Variants in SIL1 observed in about 807,000 individuals in gnomAD.
The protein encoded by SIL1 is SIL1 nucleotide exchange factor.
SIL1 carries 40 observed loss-of-function variants against 49.1 expected under a neutral mutation model. That is an observed-to-expected ratio of 0.81 (90% confidence interval 0.63 to 1.06). The LOEUF is 1.06. Among genes scored for constraint, SIL1 ranks in the 50% least tolerant of loss-of-function variants. The pLI, the probability that SIL1 is intolerant of heterozygous loss-of-function variation, is 0.00. For synonymous variants in SIL1, 253 were observed against 250.8 expected (o/e 1.01, Z -0.08); for missense variants, 500 against 572.6 (o/e 0.87, Z 1.29).
chr5:139,024,896 T>C (rs190698389), intron 6 of SIL1, among the ~76,000 whole-genome samples: 1 of 152,346 alleles, frequency 6.6e-6, no homozygotes, highest in East Asian at 1.9e-4. Flanking sequence ...CTCTGCCTGC[T>C]CTCAGCTCCA....
At chr5:138,959,516 C>T (rs568462676) in intron 7 of SIL1, among the ~76,000 whole-genome samples, 1 of 152,366 alleles carries the variant, frequency 6.6e-6, no homozygotes, top group East Asian at 1.9e-4. Flanking sequence ...GGTCCTAAGT[C>T]TACCCTTGAA....
chr5:139,078,081 A>G (rs986557859), intron 3 of SIL1, among the ~76,000 whole-genome samples: 3 of 152,188 alleles, frequency 2.0e-5, no homozygotes, highest in African/African-American at 7.2e-5. Flanking sequence ...TCACATTCAC[A>G]TCTCTGGGTA....
intron 7 of SIL1, among the ~76,000 whole-genome samples, chr5:139,006,958 C>A (rs1274780944): frequency 6.8e-6 from 1 of 146,394 alleles, no homozygotes; most frequent in Non-Finnish European, 1.5e-5. Flanking sequence ...TTTTTGGTTC[C>A]ATATGAACTT....
intron 1 of SIL1, among the ~76,000 whole-genome samples, chr5:139,152,475 G>A (rs764737794): frequency 1.5e-4 from 23 of 151,914 alleles, no homozygotes; most frequent in Admixed American, 2.6e-4. Flanking sequence ...ACAAAAATTA[G>A]CCGGGCATGG....
At chr5:139,012,054 T>G (rs1317390579) in intron 7 of SIL1, among the ~76,000 whole-genome samples, 1 of 151,814 alleles carries the variant, frequency 6.6e-6, no homozygotes, top group Non-Finnish European at 1.5e-5. Flanking sequence ...CTATCTTTGG[T>G]TTTTGTTGTT....
chr5:139,084,078 C>A (rs1296520335), intron 3 of SIL1, among the ~76,000 whole-genome samples: 1 of 148,814 alleles, frequency 6.7e-6, no homozygotes, highest in African/African-American at 2.5e-5. Context: ...GTTTTGGTTA[C>A]TGTAGCCTTG....
intron 7 of SIL1, among the ~76,000 whole-genome samples, chr5:139,015,253 C>G (rs931612798): frequency 1.3e-5 from 2 of 152,096 alleles, no homozygotes; most frequent in African/African-American, 4.8e-5. Flanking sequence ...TAAGTACTAT[C>G]TAATAAGGGA....
chr5:139,015,643 C>A (rs1333897731), intron 7 of SIL1, among the ~76,000 whole-genome samples: 1 of 152,192 alleles, frequency 6.6e-6, no homozygotes, highest in African/African-American at 2.4e-5. Flanking sequence ...ATAGCTGCTG[C>A]AGCTCCAAGA....
At chr5:139,146,807 G>C (rs897546093) in intron 1 of SIL1, among the ~76,000 whole-genome samples, 1 of 152,078 alleles carries the variant, frequency 6.6e-6, no homozygotes, top group African/African-American at 2.4e-5. Context: ...TTTCTAATAT[G>C]AAACCACCCG....
chr5:139,059,675 A>G (rs1472586947), intron 3 of SIL1, among the ~76,000 whole-genome samples: 1 of 152,234 alleles, frequency 6.6e-6, no homozygotes, highest in Non-Finnish European at 1.5e-5. Flanking sequence ...AGACATCTAT[A>G]TACATGCACA....
chr5:138,972,663 G>C (rs896553624), intron 7 of SIL1, among the ~76,000 whole-genome samples: 10 of 152,180 alleles, frequency 6.6e-5, no homozygotes, highest in African/African-American at 2.4e-4. Flanking sequence ...CACAAACTGA[G>C]CTCACACAAT....
intron 1 of SIL1, 26 bp downstream of exon 1, chr5:139,198,243 G>A (rs113807988): frequency 6.6e-6 from 1 of 152,254 alleles, no homozygotes; most frequent in Non-Finnish European, 1.5e-5. Flanking sequence ...CCAGCTCCAG[G>A]GCCGGGCGGC....
intron 7 of SIL1, among the ~76,000 whole-genome samples, chr5:139,012,056 TTTG>T (rs1016347578): frequency 5.3e-5 from 8 of 151,972 alleles, no homozygotes; most frequent in Non-Finnish European, 7.4e-5. Flanking sequence ...ATCTTTGGTT[TTTG>T]TTGTTGTTTT....
intron 7 of SIL1, among the ~76,000 whole-genome samples, chr5:139,001,384 AC>A (rs1178760349): frequency 6.6e-6 from 1 of 152,212 alleles, no homozygotes; most frequent in Non-Finnish European, 1.5e-5. Context: ...TTGCATATGT[AC>A]CCAAGGAGTC....
chr5:139,170,968 C>A (rs572282065), intron 1 of SIL1, among the ~76,000 whole-genome samples: 4 of 148,840 alleles, frequency 2.7e-5, no homozygotes, highest in Non-Finnish European at 6.0e-5. Flanking sequence ...CAGTCCCCCG[C>A]CCGGCCAGCC....
chr5:139,174,783 C>G (rs2151816939), intron 1 of SIL1, among the ~76,000 whole-genome samples: 2 of 148,782 alleles, frequency 1.3e-5, no homozygotes, highest in African/African-American at 4.9e-5. Context: ...ACTAAAAATA[C>G]AAAAATTAGC....
intron 1 of SIL1, among the ~76,000 whole-genome samples, chr5:139,150,318 C>T (rs1751271565): frequency 6.6e-6 from 1 of 152,158 alleles, no homozygotes; most frequent in Non-Finnish European, 1.5e-5. Flanking sequence ...TCCCTCCACA[C>T]GTCTCATCCT....
At chr5:139,174,501 G>A (rs1243174313) in intron 1 of SIL1, among the ~76,000 whole-genome samples, 1 of 151,588 alleles carries the variant, frequency 6.6e-6, no homozygotes, top group Non-Finnish European at 1.5e-5. Flanking sequence ...AAGAGAGAGA[G>A]GACTCAAATT....
rs555673371 is a variant in SIL1 at position 139,059,574 on chromosome 5, T to C, written c.245-8528A>G. Among the ~76,000 whole-genome samples the C allele has an allele frequency of 2.0e-5, 3 of 152,298 alleles. No homozygotes were observed. The East Asian group carries it at 5.8e-4, about 29-fold the overall frequency. On this transcript the variant is annotated intron_variant, in intron 3 of 9. Transcript: ENST00000394817. Reference sequence around the variant, plus strand: ...CCTCCATGTAATCATCAATCATTAATGTTTAAGGGACACTGAGTTCACTTT... The same window carrying C: ...CCTCCATGTAATCATCAATCATTAACGTTTAAGGGACACTGAGTTCACTTT...
Sources: allele counts gnomAD v4.1 joint callset (sites outside exome capture counted in the v4.1 genomes callset), GRCh38; gene constraint gnomAD v4.1.1; transcripts MANE v1.5; gene names NCBI Gene and HGNC (gene_info 2026-07-23, HGNC 2026-07-21).